The following PASK variants were observed in gnomAD, a reference collection of about 807,000 sequenced individuals.
PASK encodes the protein PAS domain-containing serine/threonine-protein kinase.
Under a neutral mutation model 121.0 loss-of-function variants are expected in PASK, and 110 were observed. The ratio of observed to expected loss-of-function variants is 0.91; its 90% confidence interval spans 0.78 to 1.06. PASK has a LOEUF of 1.06. Ranked by LOEUF, PASK falls within the 50% of genes least tolerant of loss-of-function variation. The pLI, the probability that PASK is intolerant of heterozygous loss-of-function variation, is 0.00. For missense variants in PASK, 1,643 were observed against 1,702.3 expected (o/e 0.97, Z 0.61); for synonymous variants, 686 against 717.8 (o/e 0.96, Z 0.71).
At chr2:241,107,661 C>A (rs2064945023) in intron 16 of PASK, among the ~76,000 whole-genome samples, 162 bp from the exon 17 acceptor site, 2 of 152,214 alleles carry the variant, frequency 1.3e-5, no homozygotes, top group Non-Finnish European at 2.9e-5. Context: ...ACAGAAGCTG[C>A]AGGAAACATT....
upstream of PASK, chr2:241,150,078 C>A: frequency 1.6e-6 from 2 of 1,281,954 alleles, no homozygotes; most frequent in Non-Finnish European, 2.0e-6. Flanking sequence ...TGGCCCGCAC[C>A]TTGCAGCCAC....
At chr2:241,125,299 C>G (rs1313880769) in intron 10 of PASK, among the ~76,000 whole-genome samples, 2 of 143,788 alleles carry the variant, frequency 1.4e-5, no homozygotes, top group East Asian at 2.1e-4. Flanking sequence ...AAGACTCTGT[C>G]TCAAAAAATA....
upstream of PASK, chr2:241,149,772 C>G (rs913735709): frequency 6.5e-7 from 1 of 1,537,228 alleles, no homozygotes; most frequent in African/African-American, 1.4e-5. Context: ...CGGGGCGGCT[C>G]GTTCATGGGC....
Position 241,108,038 on chromosome 2 carries a change from G to A in PASK, c.3667+129C>T, listed in dbSNP as rs2064958608. 2 of 915,818 alleles carry A rather than the reference G, an allele frequency of 2.2e-6. No homozygotes were observed. Among genetic ancestry groups the A allele is most frequent in the Non-Finnish European group, 3.6e-6 (2 of 554,704 alleles). The allele number at this position is 915,818 out of a possible 1,614,324, so 56.7% of individuals were successfully genotyped here. A position where few individuals can be genotyped will look rare whatever the true frequency, so the allele number is the denominator to read the frequency against. Reference sequence around the variant, plus strand: ...TAAAGTCATATGCAAATTATTTGATGAATAGAAAAGAAACAAATGAGACTG... The same window carrying A: ...TAAAGTCATATGCAAATTATTTGATAAATAGAAAAGAAACAAATGAGACTG... On this transcript the variant is annotated intron_variant, in intron 16 of 17. Coordinates refer to ENST00000234040, the MANE Select transcript of PASK (RefSeq NM_015148.4). The surrounding 1 kb of genome is among the most constrained non-coding windows in gnomAD (Gnocchi z 5.2).
intron 15 of PASK, among the ~76,000 whole-genome samples, chr2:241,110,730 C>T (rs1268530058): frequency 6.6e-6 from 1 of 152,204 alleles, no homozygotes; most frequent in African/African-American, 2.4e-5. Context: ...GGTCAGTGGA[C>T]AGGGGACAGG....
chr2:241,138,873 G>GCCA lies in PASK; in HGVS notation c.601-80_601-79insTGG, dbSNP rs2066569383. 3.5e-6 allele frequency: 5 copies of GCCA among 1,409,328 alleles called. No individual in the cohort carries two copies. In the Admixed American group the frequency reaches 8.4e-5, roughly 24 times the overall value. The allele number at this position is 1,409,328 out of a possible 1,614,324, so 87.3% of individuals were successfully genotyped here. On this transcript the variant is annotated intron_variant, in intron 4 of 17. Transcript: ENST00000234040. ...TGGGTGGGGCACCTGCCTCCAGGAG[G>GCCA]CCCAAACTCCAGGCACTGCAACGTT...
At chr2:241,129,249 C>T (rs1422235446) in intron 9 of PASK, among the ~76,000 whole-genome samples, 1 of 152,188 alleles carries the variant, frequency 6.6e-6, no homozygotes, top group Non-Finnish European at 1.5e-5. Context: ...AGCTGAGGCC[C>T]CTGGGCAGCA....
intron 8 of PASK, 79 bp from the exon 9 acceptor site, chr2:241,133,109 A>C: frequency 1.2e-5 from 16 of 1,388,716 alleles, no homozygotes; most frequent in Non-Finnish European, 1.3e-5. Flanking sequence ...CCTGGAACTC[A>C]CTGAGACTGC....
Position 241,122,735 on chromosome 2 carries a change from C to T in PASK, c.3069G>A (p.Lys1023=). ...VWTAVDKEKN[K]EVVVKFIKKE... ...TCCCCCCCCACAGCCAGGTTACCTC[C>T]TTGTTTTTTTCCTTGTCCACAGCAG... The change falls in exon 12 of 18, where the codon AAG becomes AAA. Residue 1023 remains lysine (K), a synonymous_variant. Transcript: ENST00000234040. The T allele has an allele frequency of 6.2e-7, 1 of 1,613,940 alleles. No individual in the cohort carries two copies. The highest frequency in any genetic ancestry group is 8.5e-7 in the Non-Finnish European group (1 of 1,179,830).
intron 12 of PASK, chr2:241,118,864 G>C (rs1350580930): frequency 1.1e-6 from 1 of 930,624 alleles, no homozygotes; most frequent in Non-Finnish European, 1.3e-6. Context: ...GCCATGATGG[G>C]GCACTTCCCG....
In PASK at chr2:241,123,944, C is replaced by T; in HGVS notation, c.2904+5G>A. The T allele has an allele frequency of 6.2e-7, 1 of 1,612,630 alleles. No homozygotes were observed. The highest frequency in any genetic ancestry group is 8.5e-7 in the Non-Finnish European group (1 of 1,179,304). Reference sequence around the variant, plus strand: ...CCAGGGCAGGCATTGATTGCAAATACCCACTTCCACCAGGCTGGGTCCGGT... The same window carrying T: ...CCAGGGCAGGCATTGATTGCAAATATCCACTTCCACCAGGCTGGGTCCGGT... On this transcript the variant is annotated splice_donor_5th_base_variant and intron_variant, in intron 11 of 17. Coordinates refer to ENST00000234040, the MANE Select transcript of PASK (RefSeq NM_015148.4).
chr2:241,132,502 C>A (rs1374365761), intron 9 of PASK, among the ~76,000 whole-genome samples: 2 of 126,486 alleles, frequency 1.6e-5, no homozygotes, highest in African/African-American at 3.1e-5. Context: ...GCACTCCAGC[C>A]TGGGTGACAC....
chr2:241,140,817 C>T, intron 2 of PASK, 64 bp from the exon 3 acceptor site: 2 of 1,070,814 alleles, frequency 1.9e-6, no homozygotes, highest in East Asian at 2.5e-5. Context: ...CCTTCTGAAA[C>T]AGGCAAAGCA....
chr2:241,111,002 G>A (rs2065088938), intron 15 of PASK, among the ~76,000 whole-genome samples: 1 of 152,248 alleles, frequency 6.6e-6, no homozygotes, highest in South Asian at 2.1e-4. Context: ...TGCCTGGCAT[G>A]GAGAGGTTGG....
rs2065675456 is a variant in PASK at position 241,122,796 on chromosome 2, C to A, written c.3008G>T (p.Ser1003Ile). 6.2e-7 allele frequency: 1 copy of A among 1,614,054 alleles called. No homozygotes were observed. Among genetic ancestry groups the A allele is most frequent in the Admixed American group, 1.7e-5 (1 of 60,008 alleles). The change falls in exon 12 of 18, where the codon AGC (serine) becomes ATC (isoleucine). Residue 1003 changes from serine to isoleucine, a missense_variant. Ser to Ile is a moderately radical substitution (Grantham distance 142). Around this residue, in one of 3 missense-constraint regions of PASK, gnomAD observed 453 missense variants for 511.2 expected, o/e 0.89. Transcript: ENST00000234040. ...GCCGAAGGCCCCACTGCCCAGCGGG[C>A]TCATGGTACTGTACTTTTGGGAGTA... ...GEYSQKYSTMSPLGSGAFGFV... is the reference protein window; with the variant it reads ...GEYSQKYSTMIPLGSGAFGFV...
rs200236190 is a variant in PASK at position 241,124,042 on chromosome 2, G to A, written c.2811C>T (p.Arg937=). ...WLVKDLLHSQ[R]DSAARTRLFL... ...ACAGGCGGGTCCTGGCGGCTGAGTC[G>A]CGTTGGCTGTGGAGGAGGTCTTTCA... The change falls in exon 11 of 18, where the codon CGC becomes CGT. Residue 937 remains arginine, a synonymous_variant. Coordinates refer to ENST00000234040, the MANE Select transcript of PASK (RefSeq NM_015148.4). 6.2e-5 allele frequency: 100 copies of A among 1,613,490 alleles called. No individual in the cohort carries two copies. The highest frequency in any genetic ancestry group is 1.3e-4 in the East Asian group (6 of 44,874).
intron 9 of PASK, among the ~76,000 whole-genome samples, chr2:241,131,500 A>G (rs1266176568): frequency 6.6e-6 from 1 of 152,210 alleles, no homozygotes; most frequent in Admixed American, 6.5e-5. Flanking sequence ...TATCTATTAC[A>G]TATTTTTTAA....
chr2:241,142,727 C>A, intron 2 of PASK, 110 bp downstream of exon 2: 1 of 866,084 alleles, frequency 1.2e-6, no homozygotes. Flanking sequence ...CTTTTCTCTG[C>A]AGGAATAGAG....
chr2:241,124,746 G>C (rs114567924), intron 10 of PASK, among the ~76,000 whole-genome samples: 1 of 152,096 alleles, frequency 6.6e-6, no homozygotes, highest in Non-Finnish European at 1.5e-5. Flanking sequence ...TATTTCTAAT[G>C]TTTCTACAAA....
Sources: gnomAD v4.1 joint callset for allele counts (sites outside exome capture counted in the v4.1 genomes callset) on GRCh38, gnomAD v4.1.1 for gene constraint, gnomAD v4.1.1 regional missense constraint, Gnocchi (gnomAD v3.1) non-coding constraint, MANE v1.5 for transcripts, NCBI Gene and HGNC (gene_info 2026-07-23, HGNC 2026-07-21) for gene names.